Variants in RETSAT observed in about 807,000 individuals in gnomAD.
RETSAT encodes the protein all-trans-retinol 13,14-reductase.
RETSAT carries 35 observed loss-of-function variants against 61.6 expected under a neutral mutation model. The ratio of observed to expected loss-of-function variants is 0.57; its 90% CI spans 0.43 to 0.75. The LOEUF is 0.75. RETSAT is among the 30% of genes least tolerant of loss of function. The pLI is 0.00. For synonymous variants in RETSAT, 277 were observed against 310.4 expected (o/e 0.89, Z 1.13); for missense variants, 670 against 759.5 (o/e 0.88, Z 1.38).
chr2:85,351,538 GAAAC>G (rs1438142154), intron 2 of RETSAT, 138 bp downstream of exon 2: 18 of 842,984 alleles, frequency 2.1e-5, no homozygotes, highest in Admixed American at 1.1e-4. Flanking sequence ...GACTCTGTCT[GAAAC>G]AAACAAAGAA....
intron 6 of RETSAT, among the ~76,000 whole-genome samples, chr2:85,345,315 C>A (rs1009101109): frequency 6.6e-6 from 1 of 152,172 alleles, no homozygotes; most frequent in African/African-American, 2.4e-5. Flanking sequence ...TCGCTTTACC[C>A]CCCAGCCCGC....
chr2:85,343,258 T>G lies in RETSAT; in HGVS notation c.1817A>C (p.Gln606Pro). Residue 606 changes from glutamine to proline, a missense_variant, in exon 11 of 11, where the codon CAG (glutamine) becomes CCG (proline). Transcript: ENST00000295802. ...LKNLDSRIRA[Q>P]KKKN ...CTGATGGAACTAATTCTTTTTCTTC[T>G]GTGCCCGGATCCTAGAATCAAGATT... The G allele has an allele frequency of 1.2e-6, 2 of 1,614,224 alleles. No homozygotes were observed. Among genetic ancestry groups the G allele is most frequent in the Non-Finnish European group, 1.7e-6 (2 of 1,179,996 alleles).
intron 5 of RETSAT, 119 bp downstream of exon 5, chr2:85,349,265 T>C: frequency 1.1e-6 from 1 of 903,034 alleles, no homozygotes; most frequent in Non-Finnish European, 1.7e-6. Context: ...GGGCAGATTC[T>C]CACCTTTAGC....
At chr2:85,344,959 C>A (rs567611492) in intron 6 of RETSAT, among the ~76,000 whole-genome samples, 1 of 151,676 alleles carries the variant, frequency 6.6e-6, no homozygotes, top group African/African-American at 2.4e-5. Flanking sequence ...GAGAGGGGGG[C>A]GGGAGGGACA....
chr2:85,345,835 A>G, intron 6 of RETSAT, 140 bp downstream of exon 6: 1 of 977,944 alleles, frequency 1.0e-6, no homozygotes, highest in Non-Finnish European at 1.6e-6. Flanking sequence ...TGTTAGAGGT[A>G]GCGTTCTCAC....
Position 85,344,673 on chromosome 2 carries a change from A to G in RETSAT, c.1177T>C (p.Cys393Arg), listed in dbSNP as rs756382001. Residue 393 changes from cysteine to arginine, a missense_variant, in exon 7 of 11, where the codon TGC becomes CGC. Transcript: ENST00000295802. The part of the protein sequence containing the change: ...PGLGMTSVFI[C>R]LRGTKEDLHL... Reference sequence around the variant, plus strand: ...AGGTCTTCCTTGGTGCCTCGCAGGCAGATGAAAACAGAGGTCATGCCTAAG... The same window carrying G: ...AGGTCTTCCTTGGTGCCTCGCAGGCGGATGAAAACAGAGGTCATGCCTAAG... 2 of 1,614,212 alleles carry G rather than the reference A, an allele frequency of 1.2e-6. No homozygotes were observed. Among genetic ancestry groups the G allele is most frequent in the Non-Finnish European group, 1.7e-6 (2 of 1,180,026 alleles).
rs750238160 is a variant in RETSAT, at chr2:85,343,417, C to T, written c.1694-36G>A. The T allele has an allele frequency of 3.1e-6, 5 of 1,597,684 alleles. No individual in the cohort carries two copies. In the South Asian group the frequency reaches 4.4e-5, roughly 14 times the overall value. ...AGAGCAGAGGCCCCTGAGCGTGCAC[C>T]CAGGCAGGCCCAGGGGAGGGTGGGG... On this transcript the variant is annotated intron_variant, in intron 10 of 10. Coordinates refer to ENST00000295802, the MANE Select transcript of RETSAT (RefSeq NM_017750.4).
At chr2:85,343,547 G>A (rs1242331592) in intron 10 of RETSAT, 92 bp downstream of exon 10, 2 of 1,556,536 alleles carry the variant, frequency 1.3e-6, no homozygotes, top group Admixed American at 1.7e-5. Context: ...GGAGGCTGCA[G>A]GGGACAGCAG....
At chr2:85,344,412 C>T (rs1683152349) in intron 7 of RETSAT, 64 bp from the exon 8 acceptor site, 1 of 1,566,444 alleles carries the variant, frequency 6.4e-7, no homozygotes, top group East Asian at 2.3e-5. Context: ...AGAACCACTG[C>T]AAGGACTGCT....
rs1448100047 is a variant in RETSAT, at chr2:85,343,136, A to AT, written c.*105_*106insA. 7.1e-4 allele frequency: 1,057 copies of AT among 1,492,310 alleles called. No individual in the cohort carries two copies. Among genetic ancestry groups the AT allele is most frequent in the Non-Finnish European group, 9.1e-4 (1,002 of 1,097,500 alleles). 92.4% of individuals were successfully genotyped at this position (1,492,310 alleles called of 1,614,324 possible). ...TCTCTTCAGGCATCAGAACCAAATT[A>AT]GAGTGCTTTATACGTGCAAGGAACT... is the stretch of plus-strand genomic sequence containing the variant. On this transcript the variant is annotated 3_prime_UTR_variant, in exon 11 of 11. Coordinates refer to ENST00000295802, the MANE Select transcript of RETSAT (RefSeq NM_017750.4).
intron 1 of RETSAT, 69 bp from the exon 2 acceptor site, chr2:85,351,931 AAAG>A (rs74626348): frequency 0.021 from 31,217 of 1,470,906 alleles, 402 homozygotes; most frequent in Non-Finnish European, 0.024. Flanking sequence ...TAGGGAAACC[AAAG>A]AAGACTTCTC....
chr2:85,344,111 C>T lies in RETSAT; in HGVS notation c.1421G>A (p.Trp474Ter), dbSNP rs1683141356. ...CCGCTTTCCCTTCAGCTCCGCCTGC[C>T]ACTCCTCAAACCACTCGTAGGCAGT... is the stretch of plus-strand genomic sequence containing the variant. ...IPTAYEWFEE[W>*]QAELKGKRGS... The change falls in exon 9 of 11, where the codon TGG becomes TAG. Residue 474 changes from tryptophan (W) to a stop codon, truncating the protein, a stop_gained. Transcript: ENST00000295802. LOFTEE classifies it high-confidence loss of function. 20 of 1,614,038 alleles carry T rather than the reference C, an allele frequency of 1.2e-5. No individual in the cohort carries two copies. The South Asian group carries it at 1.9e-4, about 15-fold the overall frequency.
rs376732541 is a variant in RETSAT at position 85,343,335 on chromosome 2, G to A, written c.1740C>T (p.Ala580=). ...TCAGGATGGCGCTGCTGCACAGCAG[G>A]GCACCTTGCAGGGCCCCGACCAGTC... ...TCGLVGALQG[A]LLCSSAILKR... The change falls in exon 11 of 11, where the codon GCC becomes GCT. Residue 580 remains alanine (A), a synonymous_variant. Transcript: ENST00000295802. 8.7e-5 allele frequency: 140 copies of A among 1,614,086 alleles called. No homozygotes were observed. Among genetic ancestry groups the A allele is most frequent in the Non-Finnish European group, 1.1e-4 (135 of 1,180,004 alleles).
At chr2:85,349,926 G>T in intron 4 of RETSAT, 114 bp downstream of exon 4, 2 of 1,007,564 alleles carry the variant, frequency 2.0e-6, no homozygotes, top group Non-Finnish European at 1.5e-6. Flanking sequence ...GAGGGCCTGG[G>T]GTTTACACTG....
At chr2:85,344,212 C>A in intron 8 of RETSAT, 27 bp downstream of exon 8, 2 of 1,614,152 alleles carry the variant, frequency 1.2e-6, no homozygotes, top group Non-Finnish European at 1.7e-6. Context: ...CTCCCTCCAC[C>A]CCCTCACCCG....
At chr2:85,351,318 G>C (rs1274205124) in intron 2 of RETSAT, 1 of 464,448 alleles carries the variant, frequency 2.2e-6, no homozygotes, top group Admixed American at 3.7e-5. Context: ...TTGAGGTCAG[G>C]AGTTCGAGAC....
At chr2:85,348,624 CCAACTCAAA>C (rs1683242940) in intron 5 of RETSAT, among the ~76,000 whole-genome samples, 1 of 117,912 alleles carries the variant, frequency 8.5e-6, no homozygotes. Flanking sequence ...GAGCGAGACT[CCAACTCAAA>C]AAAAAAAAAA....
Position 85,344,280 on chromosome 2 carries a change from A to G in RETSAT, c.1325T>C (p.Phe442Ser), listed in dbSNP as rs767527532. The G allele has an allele frequency of 2.9e-5, 46 of 1,613,940 alleles. No homozygotes were observed. The highest frequency in any genetic ancestry group is 8.3e-5 in the Admixed American group (5 of 59,980). The change falls in exon 8 of 11, where the codon TTC (phenylalanine) becomes TCC (serine). Residue 442 changes from phenylalanine (F) to serine (S), a missense_variant. Coordinates refer to ENST00000295802, the MANE Select transcript of RETSAT (RefSeq NM_017750.4). ...CCAGGTCGGATCTTTGGCTGATGGG[A>G]AAGCGAAGAAGAGAAGAGGGATGTG... ...AEHIPLLFFA[F>S]PSAKDPTWED...
At chr2:85,351,474 G>A (rs913879098) in intron 2 of RETSAT, 3 of 543,952 alleles carry the variant, frequency 5.5e-6, no homozygotes, top group Non-Finnish European at 9.7e-6. Flanking sequence ...AGGAGGCAGA[G>A]GTTACAGTAA....
Sources: gnomAD v4.1 joint callset for allele counts (sites outside exome capture counted in the v4.1 genomes callset) on GRCh38, gnomAD v4.1.1 for gene constraint, MANE v1.5 for transcripts, NCBI Gene and HGNC (gene_info 2026-07-23, HGNC 2026-07-21) for gene names.